The following AHRR variants were observed in gnomAD, a reference collection of about 807,000 sequenced individuals.
AHRR encodes ahR repressor.
Under a neutral mutation model 44.0 loss-of-function variants are expected in AHRR, and 28 were observed. The observed-to-expected ratio is 0.64, with a 90% CI of 0.47 to 0.87. AHRR has a LOEUF of 0.87. Ranked by LOEUF, AHRR falls within the 40% of genes least tolerant of loss-of-function variation. AHRR has a pLI of 0.00. For missense variants in AHRR, 990 were observed against 953.9 expected, an observed-to-expected ratio of 1.04 and a Z score of -0.50; for synonymous variants, 434 against 407.0, an observed-to-expected ratio of 1.07 and a Z score of -0.80.
chr5:415,304 CG>C (rs1488371208), intron 5 of AHRR, among the ~76,000 whole-genome samples: 1 of 144,412 alleles, frequency 6.9e-6, no homozygotes, highest in Admixed American at 6.8e-5. Flanking sequence ...TCTGCCTGGT[CG>C]GGTGGGAGGC....
intron 3 of AHRR, among the ~76,000 whole-genome samples, chr5:373,759 C>T (rs1336840336): frequency 6.6e-6 from 1 of 151,562 alleles, no homozygotes; most frequent in East Asian, 2.0e-4. Context: ...CGTGTGCACC[C>T]GGAGCGCCCG....
At chr5:331,986 C>A (rs1166894846) in intron 1 of AHRR, among the ~76,000 whole-genome samples, 1 of 152,144 alleles carries the variant, frequency 6.6e-6, no homozygotes, top group Admixed American at 6.6e-5. Flanking sequence ...TTTGCTATAT[C>A]CCATAGGTTT....
At position 411,687 on chromosome 5, in the gene AHRR, AAAAAAAG is replaced by A. The variant is rs1364118876; in HGVS notation, c.352-1649_352-1643del. Among the ~76,000 whole-genome samples, 1 of 152,212 alleles carries A rather than the reference AAAAAAAG, an allele frequency of 6.6e-6. No individual in the cohort carries two copies. Among genetic ancestry groups the A allele is most frequent in the Non-Finnish European group, 1.5e-5 (1 of 68,044 alleles). On this transcript the variant is annotated intron_variant, in intron 4 of 10. Coordinates refer to ENST00000684583, the MANE Select transcript of AHRR (RefSeq NM_001377236.1). This position sits in a 1 kb window ranked among gnomAD's most constrained non-coding sequence, Gnocchi z 4.2. ...CTGTTTTCAAATTGGCAAAGATTTC[AAAAAAAG>A]AAAAAAGGAAAATAAAAGTACCCAG... is the stretch of plus-strand genomic sequence containing the variant.
chr5:423,712 G>A, intron 6 of AHRR, 129 bp from the exon 7 acceptor site: 2 of 1,257,454 alleles, frequency 1.6e-6, no homozygotes, highest in Non-Finnish European at 1.1e-6. Flanking sequence ...GGATGCTGGG[G>A]GCGGGAGGAT....
At chr5:361,059 G>A (rs1743161460) in intron 3 of AHRR, among the ~76,000 whole-genome samples, 1 of 152,106 alleles carries the variant, frequency 6.6e-6, no homozygotes, top group Non-Finnish European at 1.5e-5. Flanking sequence ...GACCAGCCTG[G>A]CCAAGATGGT....
chr5:377,655 C>G (rs1560898895), intron 4 of AHRR, among the ~76,000 whole-genome samples: 2 of 152,228 alleles, frequency 1.3e-5, no homozygotes, highest in South Asian at 4.1e-4. Flanking sequence ...TGCCCCAGAT[C>G]CTCCTGTGTG....
intron 4 of AHRR, among the ~76,000 whole-genome samples, chr5:409,996 G>C (rs1047975343): frequency 6.6e-6 from 1 of 152,160 alleles, no homozygotes; most frequent in African/African-American, 2.4e-5. Flanking sequence ...ATCTCCAGCT[G>C]TCCCAGCCAC....
chr5:413,293 A>C (rs1468083696), intron 4 of AHRR, 51 bp from the exon 5 acceptor site: 1 of 1,354,578 alleles, frequency 7.4e-7, no homozygotes, highest in Non-Finnish European at 1.0e-6. Context: ...GCACTTTTTC[A>C]TTTTGGGTGA....
chr5:415,330 T>G (rs1394661505), intron 5 of AHRR, among the ~76,000 whole-genome samples: 2 of 148,750 alleles, frequency 1.3e-5, no homozygotes, highest in Non-Finnish European at 3.0e-5. Context: ...GGGCCGAATC[T>G]GCCTGGTGGG....
Position 338,098 on chromosome 5 carries a change from C to T in AHRR, c.-10-5795C>T, listed in dbSNP as rs561796995. On this transcript the variant is annotated intron_variant, in intron 1 of 10. Coordinates refer to ENST00000684583, the MANE Select transcript of AHRR (RefSeq NM_001377236.1). The surrounding 1 kb of genome is among the most constrained non-coding windows in gnomAD (Gnocchi z 4.1). ...CTTTGCGAATACATGTCTCCCCTCC[C>T]GGGTCTGTGTAGCCGCCATATACTT... Among the ~76,000 whole-genome samples the T allele has an allele frequency of 1.3e-5, 2 of 152,304 alleles. No homozygotes were observed. The highest frequency in any genetic ancestry group is 2.9e-5 in the Non-Finnish European group (2 of 68,024).
Position 434,231 on chromosome 5 carries a change from T to G in AHRR, c.1491T>G (p.Ala497=), listed in dbSNP as rs1560927272. The change falls in exon 11 of 11, where the codon GCT becomes GCG. Residue 497 remains alanine (A), a synonymous_variant. Coordinates refer to ENST00000684583, the MANE Select transcript of AHRR (RefSeq NM_001377236.1). ...AGCACCAGCTCCCTCAGCCTGGAGC[T>G]CAGCGTTTTGCCACGAGGGGCTATC... is the stretch of plus-strand genomic sequence containing the variant. ...SLQHQLPQPG[A]QRFATRGYPM... 6.3e-7 allele frequency: 1 copy of G among 1,591,234 alleles called. No individual in the cohort carries two copies. Among genetic ancestry groups the G allele is most frequent in the East Asian group, 2.2e-5 (1 of 44,674 alleles).
chr5:344,137 C>A (rs1365218879), intron 2 of AHRR, among the ~76,000 whole-genome samples, 173 bp downstream of exon 2: 1 of 151,240 alleles, frequency 6.6e-6, no homozygotes, highest in Non-Finnish European at 1.5e-5. Flanking sequence ...CTCCCCGCAG[C>A]GCCCCGGTGC....
At position 424,609 on chromosome 5, in the gene AHRR, G is replaced by A. The variant is rs1163920159; in HGVS notation, c.708+632G>A. Among the ~76,000 whole-genome samples the A allele has an allele frequency of 1.3e-5, 2 of 152,152 alleles. 1 individual carries two copies. The highest frequency in any genetic ancestry group is 6.3e-3 in the Middle Eastern group (2 of 316). On this transcript the variant is annotated intron_variant, in intron 7 of 10. Coordinates refer to ENST00000684583, the MANE Select transcript of AHRR (RefSeq NM_001377236.1). ...ATGAGAATGTAAAACTCTGCAGTAG[G>A]TTTATACTCTAGTTGTACCTTTATT...
rs764184140 is a variant in AHRR, at chr5:413,469, GTGC to G, written c.441+38_441+40del. ...CCAGAATAGCCCTCCAGTCTGTTAA[GTGC>G]TATGTTGTCTTCCCTTTGTAAATGT... On this transcript the variant is annotated intron_variant, in intron 5 of 10. Coordinates refer to ENST00000684583, the MANE Select transcript of AHRR (RefSeq NM_001377236.1). The G allele has an allele frequency of 3.5e-6, 5 of 1,436,168 alleles. No homozygotes were observed. The African/African-American group carries it at 7.1e-5, about 20-fold the overall frequency. 89.0% of individuals were successfully genotyped at this position (1,436,168 alleles called of 1,614,324 possible).
At chr5:368,689 C>T (rs763534254) in intron 3 of AHRR, among the ~76,000 whole-genome samples, 17 of 152,202 alleles carry the variant, frequency 1.1e-4, no homozygotes, top group African/African-American at 1.7e-4. Flanking sequence ...GCAGGACGAG[C>T]GTGTGACTCT....
intron 2 of AHRR, among the ~76,000 whole-genome samples, chr5:347,011 C>T (rs1424398428): frequency 1.3e-5 from 2 of 152,212 alleles, no homozygotes; most frequent in African/African-American, 2.4e-5. Flanking sequence ...AGCCAAAGCA[C>T]GGGCGTTTGT....
chr5:360,166 T>C (rs1020644122), intron 3 of AHRR, among the ~76,000 whole-genome samples: 1 of 152,104 alleles, frequency 6.6e-6, no homozygotes, highest in African/African-American at 2.4e-5. Flanking sequence ...ACCAGTGTCC[T>C]TAAAAAGGAG....
chr5:346,532 A>G (rs1047182446), intron 2 of AHRR, among the ~76,000 whole-genome samples: 4 of 152,102 alleles, frequency 2.6e-5, no homozygotes, highest in African/African-American at 9.7e-5. Flanking sequence ...TGTGACAAAT[A>G]CGTCTGCTAC....
intron 4 of AHRR, among the ~76,000 whole-genome samples, chr5:402,178 G>C (rs1027739220): frequency 6.6e-6 from 1 of 152,236 alleles, no homozygotes; most frequent in African/African-American, 2.4e-5. Context: ...AAAATGGCCA[G>C]TTTGTAGGTG....
Sources: gnomAD v4.1 joint callset for allele counts (sites outside exome capture counted in the v4.1 genomes callset) on GRCh38, gnomAD v4.1.1 for gene constraint, Gnocchi (gnomAD v3.1) non-coding constraint, MANE v1.5 for transcripts, NCBI Gene and HGNC (gene_info 2026-07-23, HGNC 2026-07-21) for gene names.